The following DDAH1 variants were observed in gnomAD, a reference collection of about 807,000 sequenced individuals.
DDAH1 encodes the protein N(G),N(G)-dimethylarginine dimethylaminohydrolase 1.
DDAH1 carries 19 observed loss-of-function variants against 28.8 expected under a neutral mutation model. The ratio of observed to expected loss-of-function variants is 0.66; its 90% CI spans 0.46 to 0.97. The LOEUF is 0.97. Ranked by LOEUF, DDAH1 falls within the 50% of genes least tolerant of loss-of-function variation. The probability of loss-of-function intolerance (pLI) is 0.00; values close to 1 mark genes in which losing one functional copy is unlikely to be tolerated. For synonymous variants in DDAH1, 153 were observed against 154.4 expected (o/e 0.99, Z 0.07); for missense variants, 326 against 375.9 (o/e 0.87, Z 1.10).
intron 1 of DDAH1, among the ~76,000 whole-genome samples, chr1:85,458,970 T>C (rs1317335997): frequency 6.6e-5 from 10 of 152,162 alleles, no homozygotes; most frequent in African/African-American, 2.4e-4. Flanking sequence ...TGGTTACAGA[T>C]TTTAGTAGCA....
chr1:85,353,430 C>T (rs563021526), intron 2 of DDAH1, among the ~76,000 whole-genome samples: 12 of 152,126 alleles, frequency 7.9e-5, no homozygotes, highest in Middle Eastern at 3.4e-3. Context: ...CCTTATTAAA[C>T]GGGCAAATGA....
At chr1:85,330,412 T>C (rs959092506) in intron 4 of DDAH1, among the ~76,000 whole-genome samples, 1 of 152,100 alleles carries the variant, frequency 6.6e-6, no homozygotes, top group African/African-American at 2.4e-5. Context: ...TGTTCCAACA[T>C]TTTTTCCTAA....
intron 1 of DDAH1, among the ~76,000 whole-genome samples, chr1:85,518,885 A>G (rs1279144078): frequency 6.6e-6 from 1 of 152,096 alleles, no homozygotes; most frequent in East Asian, 1.9e-4. Context: ...TTTAGATGAG[A>G]CAAAGTTCTT....
intron 1 of DDAH1, among the ~76,000 whole-genome samples, chr1:85,510,057 CA>C (rs1339995010): frequency 1.3e-5 from 2 of 152,060 alleles, no homozygotes; most frequent in Admixed American, 6.5e-5. Flanking sequence ...TCAGATTTAC[CA>C]AGGTTGAAAT....
chr1:85,424,334 GC>G (rs1653293097), intron 1 of DDAH1, among the ~76,000 whole-genome samples: 1 of 152,084 alleles, frequency 6.6e-6, no homozygotes, highest in Non-Finnish European at 1.5e-5. Context: ...GTAAACTTGA[GC>G]CTGGTATTCT....
intron 1 of DDAH1, among the ~76,000 whole-genome samples, chr1:85,379,331 G>C (rs887126666): frequency 1.3e-5 from 2 of 152,160 alleles, no homozygotes; most frequent in Admixed American, 1.3e-4. Context: ...CTAAATGGTT[G>C]CAATAGCTAT....
intron 1 of DDAH1, among the ~76,000 whole-genome samples, chr1:85,525,215 T>A (rs1657822918): frequency 6.6e-6 from 1 of 151,926 alleles, no homozygotes. Flanking sequence ...AAATAATAAC[T>A]TGGAGTAGAG....
At chr1:85,332,116 C>T (rs750298794) in intron 4 of DDAH1, among the ~76,000 whole-genome samples, 1 of 152,184 alleles carries the variant, frequency 6.6e-6, no homozygotes, top group Non-Finnish European at 1.5e-5. Flanking sequence ...GGAGCCCACT[C>T]GGGTCCCATG....
chr1:85,466,832 C>CTTTTTATTTTTTTTT (rs1655400053), upstream of DDAH1, among the ~76,000 whole-genome samples: 1 of 70,738 alleles, frequency 1.4e-5, no homozygotes, highest in African/African-American at 5.8e-5. Flanking sequence ...ATTATTTATT[C>CTTTTTATTTTTTTTT]TTTTTTTTTT....
intron 1 of DDAH1, among the ~76,000 whole-genome samples, chr1:85,371,268 G>A (rs1452147723): frequency 6.6e-6 from 1 of 152,202 alleles, no homozygotes; most frequent in Admixed American, 6.5e-5. Context: ...AAGTCATCAA[G>A]TGCTACTTCT....
At chr1:85,538,584 C>G (rs868457008) in intron 1 of DDAH1, among the ~76,000 whole-genome samples, 1,598 of 151,956 alleles carry the variant, frequency 0.011, 10 homozygotes, top group Middle Eastern at 0.027. Context: ...TTCCTCAGAT[C>G]GCCTGTGCTG....
intron 1 of DDAH1, among the ~76,000 whole-genome samples, chr1:85,403,706 C>G (rs1241328761): frequency 6.6e-6 from 1 of 152,104 alleles, no homozygotes; most frequent in Non-Finnish European, 1.5e-5. Context: ...AATATATAGT[C>G]TATTCTCAGT....
At chr1:85,334,963 T>G (rs1648014799) in intron 4 of DDAH1, among the ~76,000 whole-genome samples, 1 of 152,038 alleles carries the variant, frequency 6.6e-6, no homozygotes, top group African/African-American at 2.4e-5. Context: ...GAAGGACAAA[T>G]TCAGAGTTTC....
chr1:85,434,509 C>A (rs1653841952), intron 1 of DDAH1, among the ~76,000 whole-genome samples: 1 of 152,074 alleles, frequency 6.6e-6, no homozygotes, highest in South Asian at 2.1e-4. Flanking sequence ...CTCTGCCTCC[C>A]AGGTCCAGGG....
chr1:85,324,883 TC>T lies in DDAH1; in HGVS notation c.598-1del. 6.2e-7 allele frequency: 1 copy of T among 1,613,966 alleles called. No homozygotes were observed. The stretch of plus-strand genomic sequence containing the variant: ...CGGTGGTCACTCATCTGTTGCATGA[TC>T]TATAAAGAGAAACAAAGCAGGCCTA... On this transcript the variant is annotated splice_acceptor_variant, in intron 4 of 5. Transcript: ENST00000284031. LOFTEE classifies it high-confidence loss of function.
At position 85,320,839 on chromosome 1, in the gene DDAH1, GT is replaced by G. The variant is rs1306830234; in HGVS notation, c.*612del. On this transcript the variant is annotated 3_prime_UTR_variant, in exon 6 of 6. Transcript: ENST00000284031. ...CCCTGGCAGGGGTGAGGGGAGGGTT[GT>G]TGGTGGCAGATGTAGTCAGAGGCAG... 2.0e-5 allele frequency: 3 copies of G among 152,474 alleles called. No homozygotes were observed. The highest frequency in any genetic ancestry group is 7.2e-5 in the African/African-American group (3 of 41,440). The allele number at this position is 152,474 out of a possible 1,614,324, so 9.4% of individuals were successfully genotyped here. A position where few individuals can be genotyped will look rare whatever the true frequency, so the allele number is the denominator to read the frequency against.
At chr1:85,570,390 ACACAC>A (rs1277485014) in intron 1 of DDAH1, among the ~76,000 whole-genome samples, 1 of 151,150 alleles carries the variant, frequency 6.6e-6, no homozygotes, top group East Asian at 1.9e-4. Flanking sequence ...ACACACACAC[ACACAC>A]ATCTCAGTGC....
At chr1:85,576,001 T>C (rs909940345) in intron 1 of DDAH1, 1 of 151,812 alleles carries the variant, frequency 6.6e-6, no homozygotes, top group African/African-American at 2.4e-5. Context: ...ACATGGCACA[T>C]GTATACATAT....
At chr1:85,524,296 G>A (rs1423108911) in intron 1 of DDAH1, among the ~76,000 whole-genome samples, 1 of 39,266 alleles carries the variant, frequency 2.5e-5, no homozygotes, top group Non-Finnish European at 6.9e-5. Flanking sequence ...TGCTGTGGGA[G>A]TTGAGAGGAT....
Sources: allele counts gnomAD v4.1 joint callset (sites outside exome capture counted in the v4.1 genomes callset), GRCh38; gene constraint gnomAD v4.1.1; transcripts MANE v1.5; gene names NCBI Gene and HGNC (gene_info 2026-07-23, HGNC 2026-07-21).